Variants in APBA2 observed in about 807,000 individuals in gnomAD.
APBA2 encodes amyloid beta precursor protein binding family A member 2.
Under a neutral mutation model 75.0 loss-of-function variants are expected in APBA2, and 30 were observed. That is an observed-to-expected ratio of 0.40 (90% CI 0.30 to 0.54). The LOEUF (loss-of-function observed/expected upper bound fraction) is 0.54. APBA2 is among the 20% of genes least tolerant of loss of function. The pLI is 0.49. For synonymous variants in APBA2, 444 were observed against 409.6 expected (o/e 1.08, Z -1.01); for missense variants, 801 against 1,016.1 (o/e 0.79, Z 2.88).
intron 3 of APBA2, among the ~76,000 whole-genome samples, chr15:29,039,085 A>G (rs1454892748): frequency 7.3e-6 from 1 of 136,404 alleles, no homozygotes; most frequent in East Asian, 2.1e-4. Context: ...GCCTTATTTC[A>G]GCTGTATGTC....
chr15:29,063,615 G>A (rs1474426406), intron 4 of APBA2, among the ~76,000 whole-genome samples: 1 of 148,688 alleles, frequency 6.7e-6, no homozygotes, highest in Non-Finnish European at 1.5e-5. Context: ...TGGGTGGTGC[G>A]GGGAGTTGAT....
rs1412725362 is a variant in APBA2 at position 29,046,519 on chromosome 15, A to G, written c.-40-7326A>G. Among the ~76,000 whole-genome samples the G allele has an allele frequency of 1.3e-5, 2 of 152,192 alleles. No individual in the cohort carries two copies. The highest frequency in any genetic ancestry group is 1.9e-4 in the East Asian group (1 of 5,184). On this transcript the variant is annotated intron_variant, in intron 3 of 14. Transcript: ENST00000683413. The surrounding 1 kb of genome is among the most constrained non-coding windows in gnomAD (Gnocchi z 5.0). ...TGGTGAGGGCCTTGTATTTGTTGAC[A>G]AGGAGGTCAGATCCATTCCCTGGGC...
At chr15:28,983,531 A>G (rs1215499259) in intron 2 of APBA2, among the ~76,000 whole-genome samples, 1 of 152,158 alleles carries the variant, frequency 6.6e-6, no homozygotes, top group Non-Finnish European at 1.5e-5. Context: ...TTCAAATTTG[A>G]CTTTTCTCTT....
At position 29,046,719 on chromosome 15, in the gene APBA2, C is replaced by T. The variant is rs750345889; in HGVS notation, c.-40-7126C>T. 1.3e-5 allele frequency among the ~76,000 whole-genome samples: 2 copies of T among 152,216 alleles called. No homozygotes were observed. The highest frequency in any genetic ancestry group is 2.9e-5 in the Non-Finnish European group (2 of 68,040). On this transcript the variant is annotated intron_variant, in intron 3 of 14. Transcript: ENST00000683413. The surrounding 1 kb of genome is among the most constrained non-coding windows in gnomAD (Gnocchi z 5.0). ...TGGGCCTTGTGCCCACCAAAGTGAG[C>T]GAATCACTGCATTGGAGGAGTGACT...
intron 1 of APBA2, among the ~76,000 whole-genome samples, chr15:28,899,040 T>G (rs963653961): frequency 6.6e-6 from 1 of 152,282 alleles, no homozygotes; most frequent in African/African-American, 2.4e-5. Flanking sequence ...ACCAAATGTT[T>G]AAGTATCAAA....
chr15:29,101,813 C>T, intron 10 of APBA2, 29 bp downstream of exon 10: 1 of 1,605,924 alleles, frequency 6.2e-7, no homozygotes, highest in East Asian at 2.2e-5. Context: ...GGGCACTCCC[C>T]TCCCAAAGTT....
intron 3 of APBA2, among the ~76,000 whole-genome samples, chr15:28,997,914 A>G (rs572814057): frequency 1.2e-4 from 19 of 152,194 alleles, no homozygotes; most frequent in Non-Finnish European, 2.6e-4. Flanking sequence ...ACTCATCACA[A>G]TTCTCTGCAG....
At chr15:29,097,150 G>A (rs1013345524) in intron 8 of APBA2, among the ~76,000 whole-genome samples, 2 of 152,266 alleles carry the variant, frequency 1.3e-5, no homozygotes, top group African/African-American at 2.4e-5. Context: ...GGTGGTGACT[G>A]ATTAAATCAG....
At chr15:29,060,980 C>G (rs2042106626) in intron 4 of APBA2, among the ~76,000 whole-genome samples, 1 of 152,144 alleles carries the variant, frequency 6.6e-6, no homozygotes, top group Non-Finnish European at 1.5e-5. Context: ...CAGGGATGAG[C>G]CTGTGGACCT....
rs547203288 is a variant in APBA2 at position 28,899,901 on chromosome 15, A to G, written c.-205+13623A>G. Among the ~76,000 whole-genome samples the G allele has an allele frequency of 8.5e-5, 13 of 152,342 alleles. No homozygotes were observed. In the South Asian group the frequency reaches 1.4e-3, roughly 17 times the overall value. ...AGTACAGATCTGTAATATACTATGA[A>G]AAAACCAGTCTTTCCCCCAAGATGC... is the stretch of plus-strand genomic sequence containing the variant. On this transcript the variant is annotated intron_variant, in intron 1 of 14. Transcript: ENST00000683413.
At chr15:29,115,715 T>C (rs3794513) in intron 14 of APBA2, among the ~76,000 whole-genome samples, 106,796 of 151,988 alleles carry the variant, frequency 0.7, 41,873 homozygotes, top group Non-Finnish European at 0.89. Flanking sequence ...GGGTTTCTGG[T>C]TGAGGAACGC....
chr15:29,054,116 A>T lies in APBA2; in HGVS notation c.232A>T (p.Asn78Tyr). Residue 78 changes from asparagine (N) to tyrosine (Y), a missense_variant, in exon 4 of 15, where the codon AAC becomes TAC. By Grantham distance (143) the Asn-to-Tyr change is moderately radical. This residue lies in a region of APBA2 where 434 missense variants were observed against 471.6 expected (regional missense o/e 0.92). Transcript: ENST00000683413. The surrounding 1 kb of genome is among the most constrained non-coding windows in gnomAD (Gnocchi z 6.1). Reference protein sequence around the residue: ...PDGDSSSDYVNNTSEEEDYDE... With the variant: ...PDGDSSSDYVYNTSEEEDYDE... Reference sequence around the variant, plus strand: ...TGGGGACTCCAGCTCTGACTACGTGAACAACACCTCTGAGGAGGAGGACTA... The same window carrying T: ...TGGGGACTCCAGCTCTGACTACGTGTACAACACCTCTGAGGAGGAGGACTA... 1 of 1,614,180 alleles carries T rather than the reference A, an allele frequency of 6.2e-7. No individual in the cohort carries two copies. The highest frequency in any genetic ancestry group is 2.2e-5 in the East Asian group (1 of 44,860).
chr15:29,080,594 A>C (rs1470529284), intron 6 of APBA2, among the ~76,000 whole-genome samples: 1 of 152,174 alleles, frequency 6.6e-6, no homozygotes, highest in Non-Finnish European at 1.5e-5. Flanking sequence ...TGCGGATTGC[A>C]CAGAGGATGC....
chr15:29,059,645 C>T (rs943628169), intron 4 of APBA2, among the ~76,000 whole-genome samples: 1 of 152,062 alleles, frequency 6.6e-6, no homozygotes, highest in African/African-American at 2.4e-5. Context: ...CAGAAACACA[C>T]ATAAAACAAG....
At chr15:28,958,204 G>A (rs1196134739) in intron 2 of APBA2, among the ~76,000 whole-genome samples, 1 of 152,252 alleles carries the variant, frequency 6.6e-6, no homozygotes, top group Non-Finnish European at 1.5e-5. Flanking sequence ...GACTTTCTAT[G>A]CTGTCCTTTC....
In APBA2 at chr15:29,054,975, A is replaced by G; in HGVS notation, c.951+140A>G. ...AGTTCTAATGGTGGCTGAGCTCTTC[A>G]TTGGTCCAGTTGGGAGACATGTTGC... On this transcript the variant is annotated intron_variant, in intron 4 of 14. Coordinates refer to ENST00000683413, the MANE Select transcript of APBA2 (RefSeq NM_001353788.2). The surrounding 1 kb of genome is among the most constrained non-coding windows in gnomAD (Gnocchi z 6.1). 10 of 816,240 alleles carry G rather than the reference A, an allele frequency of 1.2e-5. No homozygotes were observed. In the South Asian group the frequency reaches 1.6e-4, roughly 13 times the overall value. The allele number at this position is 816,240 out of a possible 1,614,324, so 50.6% of individuals were successfully genotyped here. A position where few individuals can be genotyped will look rare whatever the true frequency, so the allele number is the denominator to read the frequency against.
intron 3 of APBA2, among the ~76,000 whole-genome samples, chr15:29,019,650 G>A (rs1248303050): frequency 1.3e-5 from 2 of 152,218 alleles, no homozygotes; most frequent in Admixed American, 6.5e-5. Flanking sequence ...CCACATGACT[G>A]TACACACAGG....
chr15:29,070,976 G>C (rs1277171222), intron 4 of APBA2: 1 of 439,098 alleles, frequency 2.3e-6, no homozygotes, highest in African/African-American at 2.0e-5. Context: ...GGCCACTGGG[G>C]ATGGCTGTGG....
Position 29,117,739 on chromosome 15 carries a change from A to G in APBA2, c.*606A>G, listed in dbSNP as rs1311150975. On this transcript the variant is annotated 3_prime_UTR_variant, in exon 15 of 15. Transcript: ENST00000683413. ...AAAACTCCATATTTATTTAGATGCT[A>G]TTATTACTGTTTGGACTTTTATTTT... is the stretch of plus-strand genomic sequence containing the variant. The G allele has an allele frequency of 6.5e-6, 1 of 153,996 alleles. No homozygotes were observed. The highest frequency in any genetic ancestry group is 2.4e-5 in the African/African-American group (1 of 41,338). 9.5% of individuals were successfully genotyped at this position (153,996 alleles called of 1,614,324 possible).
Sources: allele counts gnomAD v4.1 joint callset (sites outside exome capture counted in the v4.1 genomes callset), GRCh38; gene constraint gnomAD v4.1.1; regional missense constraint gnomAD v4.1.1; non-coding constraint Gnocchi (gnomAD v3.1); transcripts MANE v1.5; gene names NCBI Gene and HGNC (gene_info 2026-07-23, HGNC 2026-07-21).